The following NCKAP5 variants were observed in gnomAD, a reference collection of about 807,000 sequenced individuals.
NCKAP5 encodes the protein NCK associated protein 5, also known as nck-associated protein 5.
Under a neutral mutation model 167.0 loss-of-function variants are expected in NCKAP5, and 92 were observed. The ratio of observed to expected loss-of-function variants is 0.55; its 90% CI spans 0.47 to 0.66. The LOEUF is 0.66. Ranked by LOEUF, NCKAP5 falls within the 30% of genes least tolerant of loss-of-function variation. NCKAP5 has a pLI of 0.00. For synonymous variants in NCKAP5, 891 were observed against 877.4 expected (o/e 1.02, Z -0.27); for missense variants, 2,378 against 2,315.0 (o/e 1.03, Z -0.56).
At chr2:132,778,445 T>C (rs1194526863) in intron 15 of NCKAP5, among the ~76,000 whole-genome samples, 1 of 152,106 alleles carries the variant, frequency 6.6e-6, no homozygotes, top group Non-Finnish European at 1.5e-5. Context: ...ATTTGTTATA[T>C]GTATGGAAAT....
In NCKAP5 at chr2:133,225,779, C is replaced by CT. The variant is rs1003972708; in HGVS notation, c.144-12001dup. Among the ~76,000 whole-genome samples the CT allele has an allele frequency of 8.5e-3, 336 of 39,724 alleles. 73 individuals are homozygous for CT. Among genetic ancestry groups the CT allele is most frequent in the African/African-American group, 0.012 (127 of 10,950 alleles). The allele number at this position is 39,724 out of a possible 152,430, so 26.1% of individuals were successfully genotyped here. A position where few individuals can be genotyped will look rare whatever the true frequency, so the allele number is the denominator to read the frequency against. Reference sequence around the variant, plus strand: ...CAGGTGTGGGTCATCATGCCCTGTTCTTTTTTTTTTTTTTTTTTTTTTTTT... The same window carrying CT: ...CAGGTGTGGGTCATCATGCCCTGTTCTTTTTTTTTTTTTTTTTTTTTTTTTT... On this transcript the variant is annotated intron_variant, in intron 4 of 19. Transcript: ENST00000409261.
At chr2:133,121,835 C>CT (rs2082260793) in intron 6 of NCKAP5, 1 of 152,152 alleles carries the variant, frequency 6.6e-6, no homozygotes, top group Admixed American at 6.6e-5. Context: ...ATCCAAATGT[C>CT]TATCAACAGG....
intron 8 of NCKAP5, among the ~76,000 whole-genome samples, chr2:132,900,742 C>T (rs1451071501): frequency 1.3e-5 from 2 of 152,014 alleles, no homozygotes; most frequent in African/African-American, 2.4e-5. Context: ...TGTTATTAGA[C>T]ACAAGAACAC....
At chr2:133,453,022 A>G (rs1691645071) in intron 3 of NCKAP5, among the ~76,000 whole-genome samples, 2 of 152,212 alleles carry the variant, frequency 1.3e-5, no homozygotes, top group African/African-American at 4.8e-5. Flanking sequence ...GAATGTATAT[A>G]CAAAGTAGTA....
At chr2:132,860,710 C>A (rs1489618707) in intron 10 of NCKAP5, 99 bp from the exon 11 acceptor site, 8 of 1,373,146 alleles carry the variant, frequency 5.8e-6, no homozygotes, top group South Asian at 1.5e-5. Context: ...TAGTAAAAAA[C>A]GGTATTTTTA....
chr2:133,135,842 T>C (rs2082769375), intron 5 of NCKAP5, among the ~76,000 whole-genome samples: 1 of 152,074 alleles, frequency 6.6e-6, no homozygotes, highest in Admixed American at 6.5e-5. Context: ...AACTCAAAAG[T>C]CCTATATAAA....
rs771808547 is a variant in NCKAP5 at position 132,785,168 on chromosome 2, A to G, written c.1643T>C (p.Met548Thr). Residue 548 changes from methionine to threonine, a missense_variant, in exon 14 of 20, where the codon ATG becomes ACG. By Grantham distance (81) the Met-to-Thr change is moderately conservative. Coordinates refer to ENST00000409261, the MANE Select transcript of NCKAP5 (RefSeq NM_207363.3). ...CGTCTGCACACTTGGGCACAGCTTC[A>G]TCTCTAAGGGACAGCTGCTGGCGCA... ...TSCASSCPLEMKLCPSVQTPQ... is the reference protein window; with the variant it reads ...TSCASSCPLETKLCPSVQTPQ... 5 of 1,601,174 alleles carry G rather than the reference A, an allele frequency of 3.1e-6. No homozygotes were observed. The South Asian group carries it at 5.6e-5, about 18-fold the overall frequency.
intron 3 of NCKAP5, among the ~76,000 whole-genome samples, chr2:133,497,411 A>C (rs1682041492): frequency 6.6e-6 from 1 of 152,198 alleles, no homozygotes; most frequent in Non-Finnish European, 1.5e-5. Context: ...CCTGCCTGAG[A>C]GTTCAGCATG....
intron 17 of NCKAP5, among the ~76,000 whole-genome samples, chr2:132,731,027 C>T (rs945215226): frequency 9.2e-5 from 14 of 152,210 alleles, no homozygotes; most frequent in African/African-American, 3.4e-4. Context: ...TGAAAGTGTT[C>T]GATTTAAAGT....
At chr2:133,465,781 GT>G (rs1423374464) in intron 3 of NCKAP5, among the ~76,000 whole-genome samples, 1 of 151,688 alleles carries the variant, frequency 6.6e-6, no homozygotes, top group Non-Finnish European at 1.5e-5. Context: ...ATTTTTTCAT[GT>G]GTCTTTTGGC....
chr2:133,114,570 G>C (rs1477505376), intron 6 of NCKAP5, among the ~76,000 whole-genome samples: 1 of 152,112 alleles, frequency 6.6e-6, no homozygotes, highest in Non-Finnish European at 1.5e-5. Flanking sequence ...CATATCTTCA[G>C]ATTGTCTCAT....
rs761917813 is a variant in NCKAP5 at position 133,242,400 on chromosome 2, A to AT, written c.144-28622_144-28621insA. Among the ~76,000 whole-genome samples the AT allele has an allele frequency of 3.0e-3, 453 of 152,294 alleles. 3 individuals are homozygous for AT. Among genetic ancestry groups the AT allele is most frequent in the Middle Eastern group, 0.014 (4 of 294 alleles). On this transcript the variant is annotated intron_variant, in intron 4 of 19. Transcript: ENST00000409261. The stretch of plus-strand genomic sequence containing the variant: ...TAGCTCTAGCATGGAGGTGATACCC[A>AT]AATATAAACAGGGCTGGTTTCAGAA...
At chr2:132,766,716 C>T (rs1681525682) in intron 16 of NCKAP5, among the ~76,000 whole-genome samples, 1 of 152,182 alleles carries the variant, frequency 6.6e-6, no homozygotes, top group Non-Finnish European at 1.5e-5. Context: ...TTGAGATCTT[C>T]CCCTCTTTCC....
At chr2:133,355,813 T>A (rs1684673990) in intron 3 of NCKAP5, among the ~76,000 whole-genome samples, 2 of 152,188 alleles carry the variant, frequency 1.3e-5, no homozygotes, top group Admixed American at 1.3e-4. Context: ...TCACCTCACA[T>A]ATTTGCATTT....
intron 4 of NCKAP5, among the ~76,000 whole-genome samples, chr2:133,217,620 A>G (rs1198999957): frequency 1.3e-5 from 2 of 152,054 alleles, no homozygotes; most frequent in Non-Finnish European, 2.9e-5. Context: ...CGTAGTTAGT[A>G]TCTTACTGTA....
At chr2:132,888,504 C>T (rs748344725) in intron 8 of NCKAP5, among the ~76,000 whole-genome samples, 1 of 152,130 alleles carries the variant, frequency 6.6e-6, no homozygotes, top group Non-Finnish European at 1.5e-5. Flanking sequence ...TTTCTCCCAC[C>T]TCAGCCTCCT....
At chr2:133,636,222 T>G in the NCKAP5 span, among the ~76,000 whole-genome samples, 1 of 152,220 alleles carries the variant, frequency 6.6e-6, no homozygotes, top group Admixed American at 6.5e-5. Context: ...TAGAAAATAA[T>G]GCAGAAGCTA....
intron 11 of NCKAP5, among the ~76,000 whole-genome samples, chr2:132,803,827 A>C (rs1685223023): frequency 6.6e-6 from 1 of 152,232 alleles, no homozygotes; most frequent in African/African-American, 2.4e-5. Flanking sequence ...AAGGAAGCTC[A>C]TTAACAGAGC....
At chr2:133,257,540 A>G (rs2088680924) in intron 4 of NCKAP5, among the ~76,000 whole-genome samples, 1 of 152,250 alleles carries the variant, frequency 6.6e-6, no homozygotes. Context: ...ACAGCTTTTC[A>G]TCATACAGTA....
Sources: allele counts gnomAD v4.1 joint callset (sites outside exome capture counted in the v4.1 genomes callset), GRCh38; gene constraint gnomAD v4.1.1; transcripts MANE v1.5; gene names NCBI Gene and HGNC (gene_info 2026-07-23, HGNC 2026-07-21).